The following TAFA2 variants were observed in gnomAD, a reference collection of about 807,000 sequenced individuals.
TAFA2 encodes chemokine-like protein TAFA-2.
TAFA2 carries 7 observed loss-of-function variants against 18.8 expected under a neutral mutation model. The ratio of observed to expected loss-of-function variants is 0.37; its 90% CI spans 0.21 to 0.70. The LOEUF is 0.70. TAFA2 is among the 30% of genes least tolerant of loss of function. The probability of loss-of-function intolerance (pLI) is 0.53; values close to 1 mark genes in which losing one functional copy is unlikely to be tolerated. For missense variants in TAFA2, 122 were observed against 158.1 expected (o/e 0.77, Z 1.23); for synonymous variants, 60 against 54.2 (o/e 1.11, Z -0.47).
chr12:62,128,003 TG>T (rs1381524927), intron 1 of TAFA2, among the ~76,000 whole-genome samples: 2 of 151,800 alleles, frequency 1.3e-5, no homozygotes, highest in African/African-American at 4.8e-5. Flanking sequence ...AAGAAATCCA[TG>T]GGAGGCACAA....
upstream of TAFA2, chr12:62,259,793 A>C (rs543563306): frequency 1.3e-5 from 2 of 153,800 alleles, no homozygotes; most frequent in Admixed American, 1.3e-4. Context: ...CAAAGAGCCT[A>C]TAAAGGGTCC....
At chr12:61,978,773 T>C (rs1302709694) in intron 1 of TAFA2, among the ~76,000 whole-genome samples, 1 of 151,968 alleles carries the variant, frequency 6.6e-6, no homozygotes, top group African/African-American at 2.4e-5. Context: ...AGGCTCAAAG[T>C]CCCACCAGTG....
At chr12:61,989,572 C>A (rs1244636388) in intron 1 of TAFA2, among the ~76,000 whole-genome samples, 2 of 152,144 alleles carry the variant, frequency 1.3e-5, no homozygotes, top group Non-Finnish European at 2.9e-5. Flanking sequence ...ATGGTTACTG[C>A]CCTCTTTACA....
chr12:62,182,138 A>G lies in TAFA2; in HGVS notation c.-2+9121T>C, dbSNP rs1464793992. On this transcript the variant is annotated intron_variant, in intron 1 of 4. Coordinates refer to ENST00000416284, the MANE Select transcript of TAFA2 (RefSeq NM_178539.5). The stretch of plus-strand genomic sequence containing the variant: ...AGAACTAAAATTGACTTTGTATACT[A>G]GAATATATTGATATATAATATAATG... Among the ~76,000 whole-genome samples the G allele has an allele frequency of 3.9e-5, 6 of 152,338 alleles. No homozygotes were observed. The East Asian group carries it at 1.2e-3, about 29-fold the overall frequency.
chr12:61,992,108 T>G (rs1294803176), intron 1 of TAFA2, among the ~76,000 whole-genome samples: 1 of 152,154 alleles, frequency 6.6e-6, no homozygotes, highest in Non-Finnish European at 1.5e-5. Flanking sequence ...TCTTAAAAAA[T>G]TATCTAAGGG....
chr12:61,751,570 T>C lies in TAFA2; in HGVS notation c.384+2052A>G, dbSNP rs575223498. On this transcript the variant is annotated intron_variant, in intron 4 of 4. Coordinates refer to ENST00000416284, the MANE Select transcript of TAFA2 (RefSeq NM_178539.5). ...AACTAAATCTAAACACCTACTGTTG[T>C]ATGAAAACCCTCTATAATGTCTTAA... Among the ~76,000 whole-genome samples, 6 of 152,166 alleles carry C rather than the reference T, an allele frequency of 3.9e-5. No individual in the cohort carries two copies. The South Asian group carries it at 1.2e-3, about 32-fold the overall frequency.
intron 1 of TAFA2, among the ~76,000 whole-genome samples, chr12:61,948,068 A>G (rs989863961): frequency 1.3e-5 from 2 of 152,198 alleles, no homozygotes; most frequent in African/African-American, 4.8e-5. Flanking sequence ...TGTGCCTGAC[A>G]GGCACTTTGA....
intron 4 of TAFA2, among the ~76,000 whole-genome samples, chr12:61,742,561 G>A (rs1565617122): frequency 6.6e-6 from 1 of 151,878 alleles, no homozygotes; most frequent in Non-Finnish European, 1.5e-5. Context: ...TTCCACATTA[G>A]TTGTTAAAAT....
intron 1 of TAFA2, among the ~76,000 whole-genome samples, chr12:62,032,385 C>T (rs890907395): frequency 2.0e-5 from 3 of 152,140 alleles, no homozygotes; most frequent in African/African-American, 7.2e-5. Flanking sequence ...TGTAAACAAA[C>T]TTTGCCAATA....
At chr12:61,817,855 A>AT (rs941655523) in intron 2 of TAFA2, among the ~76,000 whole-genome samples, 3 of 151,998 alleles carry the variant, frequency 2.0e-5, no homozygotes, top group Non-Finnish European at 4.4e-5. Context: ...ACCTTCAGGC[A>AT]TTTTTTTTCC....
At chr12:61,710,525 T>C in intron 4 of TAFA2, 108 bp from the exon 5 acceptor site, 3 of 826,572 alleles carry the variant, frequency 3.6e-6, no homozygotes, top group Non-Finnish European at 5.9e-6. Flanking sequence ...GTGTTTGCTA[T>C]ATCAAATGCA....
intron 1 of TAFA2, among the ~76,000 whole-genome samples, chr12:61,972,328 G>C (rs554838788): frequency 6.7e-6 from 1 of 150,168 alleles, no homozygotes; most frequent in Non-Finnish European, 1.5e-5. Context: ...AAAGATCCAG[G>C]TAGCTGGGCC....
intron 1 of TAFA2, among the ~76,000 whole-genome samples, chr12:62,209,345 T>C (rs1230128783): frequency 1.3e-5 from 2 of 152,242 alleles, no homozygotes; most frequent in East Asian, 3.8e-4. Context: ...TTCTTCTTCC[T>C]GCTGCCTTGT....
At chr12:62,078,818 C>G (rs1868276970) in intron 1 of TAFA2, among the ~76,000 whole-genome samples, 1 of 149,646 alleles carries the variant, frequency 6.7e-6, no homozygotes, top group African/African-American at 2.4e-5. Flanking sequence ...TATGCAAGAG[C>G]CAATATTTAT....
intron 1 of TAFA2, among the ~76,000 whole-genome samples, chr12:62,201,666 C>T (rs974344687): frequency 2.6e-5 from 4 of 152,168 alleles, no homozygotes; most frequent in African/African-American, 9.7e-5. Flanking sequence ...CATTGATGTT[C>T]ATCAGGGACA....
chr12:61,830,658 C>T (rs530751219), intron 2 of TAFA2, among the ~76,000 whole-genome samples: 5 of 151,922 alleles, frequency 3.3e-5, no homozygotes, highest in African/African-American at 7.2e-5. Flanking sequence ...GTATACTATT[C>T]GAGTGATGGT....
At chr12:61,715,104 A>G (rs1869586900) in intron 4 of TAFA2, among the ~76,000 whole-genome samples, 1 of 152,212 alleles carries the variant, frequency 6.6e-6, no homozygotes. Context: ...TGGTAGAAGT[A>G]GAAATTCTCA....
At chr12:61,925,674 C>G (rs540063271) in intron 1 of TAFA2, among the ~76,000 whole-genome samples, 1 of 152,058 alleles carries the variant, frequency 6.6e-6, no homozygotes, top group Non-Finnish European at 1.5e-5. Context: ...GAAATTGACA[C>G]CAGAATCTCT....
intron 1 of TAFA2, among the ~76,000 whole-genome samples, chr12:62,024,338 G>A: frequency 6.6e-6 from 1 of 152,146 alleles, no homozygotes; most frequent in East Asian, 1.9e-4. Context: ...TGCCTGGATA[G>A]AGATATAGGT....
Sources: gnomAD v4.1 joint callset for allele counts (sites outside exome capture counted in the v4.1 genomes callset) on GRCh38, gnomAD v4.1.1 for gene constraint, MANE v1.5 for transcripts, NCBI Gene and HGNC (gene_info 2026-07-23, HGNC 2026-07-21) for gene names.